Variants in MYH11 observed in about 807,000 individuals in gnomAD.
MYH11 encodes the protein myosin heavy chain 11, also known as myosin-11.
Under a neutral mutation model 246.6 loss-of-function variants are expected in MYH11, and 80 were observed. That is an observed-to-expected ratio of 0.32 (90% CI 0.27 to 0.39). The LOEUF (loss-of-function observed/expected upper bound fraction) is 0.39. MYH11 is among the 10% of genes least tolerant of loss of function. The pLI, the probability that MYH11 is intolerant of heterozygous loss-of-function variation, is 1.00. For missense variants in MYH11, 2,158 were observed against 2,546.8 expected (o/e 0.85, Z 3.29); for synonymous variants, 1,071 against 1,015.5 (o/e 1.05, Z -1.04).
intron 1 of MYH11, among the ~76,000 whole-genome samples, chr16:15,841,417 C>T (rs1294788786): frequency 6.6e-6 from 1 of 152,210 alleles, no homozygotes; most frequent in Non-Finnish European, 1.5e-5. Flanking sequence ...GGATTACAGG[C>T]ATGAGCCACT....
rs1064795023 is a variant in MYH11 at position 15,738,685 on chromosome 16, G to A, written c.3001C>T (p.Arg1001Ter). The change falls in exon 24 of 41, where the codon CGA (arginine) becomes TGA (stop). Residue 1001 changes from arginine to a stop codon, truncating the protein, a stop_gained. Coordinates refer to ENST00000300036, the MANE Select transcript of MYH11 (RefSeq NM_002474.3). LOFTEE classifies it high-confidence loss of function. ...DDQNNKLSKE[R>*]KLLEERISDL... Reference sequence around the variant, plus strand: ...CTAATCCTCTCCTCAAGGAGTTTTCGTTCCTTTTTGGGGAAAGAGAAAGAG... The same window carrying A: ...CTAATCCTCTCCTCAAGGAGTTTTCATTCCTTTTTGGGGAAAGAGAAAGAG... The A allele has an allele frequency of 6.2e-7, 1 of 1,613,474 alleles. No individual in the cohort carries two copies. The highest frequency in any genetic ancestry group is 8.5e-7 in the Non-Finnish European group (1 of 1,179,682).
chr16:15,856,432 A>C (rs2044473464), intron 1 of MYH11, among the ~76,000 whole-genome samples: 1 of 151,976 alleles, frequency 6.6e-6, no homozygotes, highest in African/African-American at 2.4e-5. Context: ...ATACGGTCAA[A>C]TCCACAAGGA....
At chr16:15,744,307 GCC>G (rs1244165254) in intron 20 of MYH11, among the ~76,000 whole-genome samples, 21 of 151,968 alleles carry the variant, frequency 1.4e-4, no homozygotes, top group African/African-American at 5.1e-4. Context: ...TGATTCTCTT[GCC>G]TCAGCCTCCT....
chr16:15,730,714 G>A (rs866704094), intron 27 of MYH11, among the ~76,000 whole-genome samples: 5 of 152,196 alleles, frequency 3.3e-5, no homozygotes, highest in African/African-American at 7.2e-5. Context: ...TGGAGGAGCT[G>A]CAACGCTGAG....
At chr16:15,741,374 G>T in intron 22 of MYH11, 89 bp downstream of exon 22, 1 of 1,396,444 alleles carries the variant, frequency 7.2e-7, no homozygotes, top group Non-Finnish European at 1.0e-6. Flanking sequence ...TCCCAGCAGG[G>T]ACACATATCC....
intron 7 of MYH11, among the ~76,000 whole-genome samples, chr16:15,777,711 G>A (rs12102703): frequency 0.044 from 6,617 of 152,056 alleles, 478 homozygotes; most frequent in African/African-American, 0.15. Context: ...TTGAGTTAAC[G>A]CAATAGCCAC....
Position 15,735,397 on chromosome 16 carries a change from G to T in MYH11, c.3475C>A (p.Leu1159Met), listed in dbSNP as rs774318386. 2 of 1,614,008 alleles carry T rather than the reference G, an allele frequency of 1.2e-6. No individual in the cohort carries two copies. Among genetic ancestry groups the T allele is most frequent in the Non-Finnish European group, 8.5e-7 (1 of 1,180,028 alleles). ...EALKTELEDT[L>M]DSTATQQELR... ...TCCTGCTGAGTGGCTGTGCTGTCCAGTGTGTCTTCCAGCTCTGTCTTTAGG... is the reference window on the plus strand; with the variant it reads ...TCCTGCTGAGTGGCTGTGCTGTCCATTGTGTCTTCCAGCTCTGTCTTTAGG... The change falls in exon 26 of 41, where the codon CTG becomes ATG. Residue 1159 changes from leucine (L) to methionine (M), a missense_variant. Transcript: ENST00000300036.
chr16:15,719,633 A>G lies in MYH11; in HGVS notation c.5034T>C (p.Asn1678=), dbSNP rs771470733. 6.2e-7 allele frequency: 1 copy of G among 1,614,094 alleles called. No individual in the cohort carries two copies. Among genetic ancestry groups the G allele is most frequent in the Non-Finnish European group, 8.5e-7 (1 of 1,180,012 alleles). Residue 1678 remains asparagine (N), a synonymous_variant, in exon 35 of 41, where the codon AAT becomes AAC. Coordinates refer to ENST00000300036, the MANE Select transcript of MYH11 (RefSeq NM_002474.3). ...RDEIFATAKE[N]EKKAKSLEAD... ...CTTCCAAGCTCTTGGCTTTCTTCTC[A>G]TTCTCTTTGGCTGTGGCAAAGATCT...
chr16:15,733,768 C>G (rs2041036303), intron 26 of MYH11, among the ~76,000 whole-genome samples: 1 of 152,142 alleles, frequency 6.6e-6, no homozygotes, highest in African/African-American at 2.4e-5. Flanking sequence ...GTCTCGAACT[C>G]CTGACCTCAG....
intron 10 of MYH11, among the ~76,000 whole-genome samples, chr16:15,763,508 C>T (rs1181565507): frequency 2.0e-5 from 3 of 151,604 alleles, no homozygotes; most frequent in Non-Finnish European, 2.9e-5. Context: ...GGCAACACAG[C>T]GAGACCTCGT....
intron 3 of MYH11, among the ~76,000 whole-genome samples, chr16:15,819,064 A>G (rs1042063016): frequency 6.6e-6 from 1 of 151,880 alleles, no homozygotes; most frequent in Admixed American, 6.6e-5. Flanking sequence ...TTGTAGAGAC[A>G]AGAGCTCACT....
chr16:15,742,998 CT>C (rs57274938), intron 20 of MYH11, among the ~76,000 whole-genome samples: 42,896 of 131,082 alleles, frequency 0.33, 6,576 homozygotes, highest in East Asian at 0.45. Context: ...AGGTAGAAGT[CT>C]TTTTTTTTTT....
chr16:15,796,169 C>T (rs1205575758), intron 4 of MYH11, among the ~76,000 whole-genome samples: 2 of 152,140 alleles, frequency 1.3e-5, no homozygotes, highest in East Asian at 3.9e-4. Context: ...CCGTCCAAGG[C>T]AGGAACCGCT....
chr16:15,749,731 A>G, intron 16 of MYH11: 1 of 268,376 alleles, frequency 3.7e-6, no homozygotes, highest in Non-Finnish European at 7.2e-6. Context: ...TGGTTGTGAC[A>G]ACCAAAAATG....
At chr16:15,850,187 C>T (rs537615459) in intron 1 of MYH11, among the ~76,000 whole-genome samples, 2 of 152,278 alleles carry the variant, frequency 1.3e-5, no homozygotes, top group East Asian at 3.9e-4. Flanking sequence ...TAGTTCAAGA[C>T]CAGCCTGGCC....
chr16:15,742,505 G>A (rs1315789664), intron 20 of MYH11, among the ~76,000 whole-genome samples: 1 of 152,068 alleles, frequency 6.6e-6, no homozygotes. Context: ...ATTTTGGGAG[G>A]CCGAGGCAAG....
At position 15,808,018 on chromosome 16, in the gene MYH11, G is replaced by A. The variant is rs1222684552; in HGVS notation, c.503-9331C>T. Reference sequence around the variant, plus strand: ...CTCCCTGCGTCTGCCCTTCTTTCTGGTAACAGGCTGCTGGGGGATCCAGTG... The same window carrying A: ...CTCCCTGCGTCTGCCCTTCTTTCTGATAACAGGCTGCTGGGGGATCCAGTG... On this transcript the variant is annotated intron_variant, in intron 3 of 40. Transcript: ENST00000300036. 2.0e-5 allele frequency among the ~76,000 whole-genome samples: 3 copies of A among 152,298 alleles called. No homozygotes were observed. The South Asian group carries it at 6.2e-4, about 32-fold the overall frequency.
At chr16:15,761,472 C>G (rs2041866170) in intron 10 of MYH11, among the ~76,000 whole-genome samples, 1 of 152,072 alleles carries the variant, frequency 6.6e-6, no homozygotes, top group Non-Finnish European at 1.5e-5. Context: ...ATTTATTGAA[C>G]AGTTACTGTT....
chr16:15,720,471 C>T (rs911721577), intron 33 of MYH11, among the ~76,000 whole-genome samples, 159 bp from the exon 34 acceptor site: 1 of 151,876 alleles, frequency 6.6e-6, no homozygotes, highest in Non-Finnish European at 1.5e-5. Context: ...TCACGCCGGG[C>T]GTGGGTGGCT....
Sources: allele counts gnomAD v4.1 joint callset (sites outside exome capture counted in the v4.1 genomes callset), GRCh38; gene constraint gnomAD v4.1.1; transcripts MANE v1.5; gene names NCBI Gene and HGNC (gene_info 2026-07-23, HGNC 2026-07-21).